Variants in TTC29 observed in about 807,000 individuals in gnomAD.
TTC29 encodes tetratricopeptide repeat domain 29.
Under a neutral mutation model 58.1 loss-of-function variants are expected in TTC29, and 49 were observed. The ratio of observed to expected loss-of-function variants is 0.84; its 90% CI spans 0.67 to 1.07. The LOEUF (loss-of-function observed/expected upper bound fraction) is 1.07, where lower values mean the gene tolerates loss of function less well. Ranked by LOEUF, TTC29 falls within the 50% of genes least tolerant of loss-of-function variation. The probability of loss-of-function intolerance (pLI) is 0.00; values close to 1 mark genes in which losing one functional copy is unlikely to be tolerated. For missense variants in TTC29, 582 were observed against 555.6 expected (o/e 1.05, Z -0.48); for synonymous variants, 209 against 196.8 (o/e 1.06, Z -0.52).
At chr4:146,728,799 A>G (rs1312338887) in intron 11 of TTC29, among the ~76,000 whole-genome samples, 3 of 130,730 alleles carry the variant, frequency 2.3e-5, no homozygotes, top group African/African-American at 5.6e-5. Context: ...ATATACGTAT[A>G]TATACACATA....
chr4:146,757,093 G>T (rs1033473065), intron 11 of TTC29, among the ~76,000 whole-genome samples: 1 of 152,056 alleles, frequency 6.6e-6, no homozygotes, highest in African/African-American at 2.4e-5. Flanking sequence ...ATTTTGGGGG[G>T]TGTTGAAGAG....
At chr4:146,734,948 A>C (rs913422486) in intron 11 of TTC29, among the ~76,000 whole-genome samples, 22 of 152,118 alleles carry the variant, frequency 1.4e-4, no homozygotes, top group African/African-American at 5.3e-4. Flanking sequence ...CAGTCACTAA[A>C]GGTAAAAGTT....
At chr4:146,769,384 G>C (rs1376116555) in intron 11 of TTC29, among the ~76,000 whole-genome samples, 1 of 151,780 alleles carries the variant, frequency 6.6e-6, no homozygotes, top group Non-Finnish European at 1.5e-5. Context: ...TTAAAAAATG[G>C]TTTCTCTCTT....
chr4:146,786,229 C>T (rs565345184), intron 11 of TTC29, among the ~76,000 whole-genome samples: 1 of 152,318 alleles, frequency 6.6e-6, no homozygotes, highest in African/African-American at 2.4e-5. Flanking sequence ...CTTTAGAGGT[C>T]GCCTTACCTT....
At chr4:146,795,417 A>T (rs1315522351) in intron 11 of TTC29, among the ~76,000 whole-genome samples, 1 of 152,162 alleles carries the variant, frequency 6.6e-6, no homozygotes, top group Non-Finnish European at 1.5e-5. Flanking sequence ...CATTCCAGAC[A>T]TCATCCACCA....
chr4:146,843,304 CG>C (rs1192569448), intron 8 of TTC29, among the ~76,000 whole-genome samples: 2 of 152,120 alleles, frequency 1.3e-5, no homozygotes, highest in African/African-American at 4.8e-5. Context: ...TTAGGGATGT[CG>C]CTTTGTAAAT....
At chr4:146,864,278 T>A (rs1266665317) in intron 8 of TTC29, among the ~76,000 whole-genome samples, 1 of 152,064 alleles carries the variant, frequency 6.6e-6, no homozygotes, top group Non-Finnish European at 1.5e-5. Flanking sequence ...TCAGGGCCCA[T>A]CTTCGCACCT....
chr4:146,899,290 T>C (rs1032420327), intron 6 of TTC29, among the ~76,000 whole-genome samples: 7 of 152,176 alleles, frequency 4.6e-5, no homozygotes, highest in South Asian at 4.1e-4. Context: ...CTGGCCCCGA[T>C]AGACCTCTGT....
chr4:146,901,578 T>C (rs1469549098), intron 6 of TTC29, among the ~76,000 whole-genome samples: 7 of 152,214 alleles, frequency 4.6e-5, no homozygotes, highest in African/African-American at 1.7e-4. Flanking sequence ...CACTGTGTTC[T>C]AGTCACACTG....
Position 146,749,159 on chromosome 4 carries a change from A to T in TTC29, c.1331-41608T>A, listed in dbSNP as rs561982930. ...ATAGTGAGACCCCATTTCTACCAAA[A>T]AAAAAAAAAAAGGCCAGGTCTGGTG... On this transcript the variant is annotated intron_variant, in intron 11 of 12. Coordinates refer to ENST00000325106, the MANE Select transcript of TTC29 (RefSeq NM_031956.4). Among the ~76,000 whole-genome samples the T allele has an allele frequency of 1.7e-3, 259 of 151,628 alleles. 1 individual carries two copies. Among genetic ancestry groups the T allele is most frequent in the African/African-American group, 6.0e-3 (247 of 41,360 alleles).
chr4:146,813,205 A>G (rs569695486), intron 10 of TTC29, among the ~76,000 whole-genome samples: 2 of 152,332 alleles, frequency 1.3e-5, no homozygotes, highest in Non-Finnish European at 1.5e-5. Context: ...CTAAGGATAA[A>G]TCATTTCCTA....
At chr4:146,826,875 T>C (rs745842996) in intron 9 of TTC29, among the ~76,000 whole-genome samples, 1 of 136,728 alleles carries the variant, frequency 7.3e-6, no homozygotes, top group African/African-American at 2.9e-5. Context: ...CAAACTCTGA[T>C]ATGCTTTCTT....
intron 10 of TTC29, among the ~76,000 whole-genome samples, chr4:146,805,144 C>T (rs1383056505): frequency 6.6e-6 from 1 of 152,154 alleles, no homozygotes; most frequent in Non-Finnish European, 1.5e-5. Flanking sequence ...GGAGAGGGGC[C>T]TGACTGTTAG....
At chr4:146,803,777 C>T in intron 10 of TTC29, 92 bp from the exon 11 acceptor site, 5 of 953,600 alleles carry the variant, frequency 5.2e-6, no homozygotes, top group Non-Finnish European at 7.5e-6. Context: ...CCCACACTGA[C>T]CTTTCGACAG....
chr4:146,708,803 C>T (rs188451553), intron 11 of TTC29, among the ~76,000 whole-genome samples: 256 of 152,060 alleles, frequency 1.7e-3, no homozygotes, highest in African/African-American at 6.0e-3. Context: ...TATATCCTTA[C>T]CCTATTTTCT....
At chr4:146,819,801 A>G (rs1182262786) in intron 10 of TTC29, among the ~76,000 whole-genome samples, 4 of 152,226 alleles carry the variant, frequency 2.6e-5, no homozygotes, top group African/African-American at 4.8e-5. Flanking sequence ...AGTTATAATC[A>G]ATTTCCTTTG....
chr4:146,865,490 G>C (rs913290257), intron 8 of TTC29, among the ~76,000 whole-genome samples: 5 of 152,070 alleles, frequency 3.3e-5, no homozygotes, highest in Non-Finnish European at 7.4e-5. Context: ...GGTACTCATG[G>C]ACATAAAGAT....
chr4:146,943,768 G>T (rs1366870755), intron 2 of TTC29, among the ~76,000 whole-genome samples: 1 of 152,196 alleles, frequency 6.6e-6, no homozygotes, highest in Admixed American at 6.5e-5. Flanking sequence ...AGCAGGGTTT[G>T]CAGTACTTCC....
intron 5 of TTC29, among the ~76,000 whole-genome samples, chr4:146,904,746 A>G (rs1038820618): frequency 6.6e-6 from 1 of 152,286 alleles, no homozygotes; most frequent in South Asian, 2.1e-4. Flanking sequence ...CTACTACCAG[A>G]GGAGTCAACC....
Sources: gnomAD v4.1 joint callset for allele counts (sites outside exome capture counted in the v4.1 genomes callset) on GRCh38, gnomAD v4.1.1 for gene constraint, MANE v1.5 for transcripts, NCBI Gene and HGNC (gene_info 2026-07-23, HGNC 2026-07-21) for gene names.